Variants in IMMP2L observed in about 807,000 individuals in gnomAD.
IMMP2L encodes the protein mitochondrial inner membrane protease subunit 2.
Under a neutral mutation model 19.3 loss-of-function variants are expected in IMMP2L, and 18 were observed. The ratio of observed to expected loss-of-function variants is 0.93; its 90% CI spans 0.64 to 1.38. The LOEUF (loss-of-function observed/expected upper bound fraction) is 1.38, where lower values mean the gene tolerates loss of function less well. Ranked by LOEUF, IMMP2L falls within the 40% of genes most tolerant of loss-of-function variation. The pLI is 0.00. For synonymous variants in IMMP2L, 76 were observed against 73.0 expected (o/e 1.04, Z -0.21); for missense variants, 233 against 218.2 (o/e 1.07, Z -0.43).
At chr7:111,146,457 G>A (rs1803486731) in intron 3 of IMMP2L, among the ~76,000 whole-genome samples, 1 of 151,954 alleles carries the variant, frequency 6.6e-6, no homozygotes, top group Non-Finnish European at 1.5e-5. Flanking sequence ...TACAGAAATT[G>A]CCACTAGAAC....
chr7:110,932,173 C>T (rs963059177), intron 4 of IMMP2L, among the ~76,000 whole-genome samples: 14 of 152,114 alleles, frequency 9.2e-5, no homozygotes, highest in Non-Finnish European at 1.0e-4. Context: ...CATACAGACT[C>T]ACGAGAGTGG....
At chr7:110,886,306 A>T (rs988418716) in intron 5 of IMMP2L, among the ~76,000 whole-genome samples, 1 of 152,080 alleles carries the variant, frequency 6.6e-6, no homozygotes, top group Non-Finnish European at 1.5e-5. Flanking sequence ...AGAAAAAAAA[A>T]ATCTTCCAAT....
Position 110,677,225 on chromosome 7 carries a change from TG to T in IMMP2L, c.409-13505del, listed in dbSNP as rs142364883. ...TGTGGATGCCAGCGAAACAGATGCA[TG>T]GTTTAAGTAAATCAAACAGAATTAG... On this transcript the variant is annotated intron_variant, in intron 5 of 5. Coordinates refer to ENST00000405709, the MANE Select transcript of IMMP2L (RefSeq NM_032549.4). Among the ~76,000 whole-genome samples, 1,452 of 152,244 alleles carry T rather than the reference TG, an allele frequency of 9.5e-3. 27 individuals carry two copies. The highest frequency in any genetic ancestry group is 0.033 in the African/African-American group (1,354 of 41,554).
At chr7:110,873,558 G>C (rs1478131736) in intron 5 of IMMP2L, among the ~76,000 whole-genome samples, 1 of 149,950 alleles carries the variant, frequency 6.7e-6, no homozygotes, top group African/African-American at 2.4e-5. Context: ...GAGGTCAGGA[G>C]TTCGACACAA....
intron 3 of IMMP2L, among the ~76,000 whole-genome samples, chr7:111,307,246 T>C (rs1822983882): frequency 6.6e-6 from 1 of 151,754 alleles, no homozygotes; most frequent in Non-Finnish European, 1.5e-5. Context: ...TAAATGGCAC[T>C]TGAAATAAGA....
intron 3 of IMMP2L, among the ~76,000 whole-genome samples, chr7:111,345,998 T>C (rs933009513): frequency 6.6e-6 from 1 of 152,194 alleles, no homozygotes; most frequent in Non-Finnish European, 1.5e-5. Flanking sequence ...TAAATAGCTA[T>C]AGCTTATTCA....
chr7:111,238,454 A>C (rs1390984927), intron 3 of IMMP2L, among the ~76,000 whole-genome samples: 1 of 152,028 alleles, frequency 6.6e-6, no homozygotes, highest in African/African-American at 2.4e-5. Context: ...CTCACTCACT[A>C]ACTGTTAATA....
rs144174228 is a variant in IMMP2L at position 110,728,844 on chromosome 7, C to G, written c.409-65123G>C. ...TGATGAAAAACTAGGACTTAAGGTC[C>G]TTGTCCATGGTAATACAAATAGTAT... On this transcript the variant is annotated intron_variant, in intron 5 of 5. Transcript: ENST00000405709. This position sits in a 1 kb window ranked among gnomAD's most constrained non-coding sequence, Gnocchi z 4.6. Among the ~76,000 whole-genome samples the G allele has an allele frequency of 1.8e-4, 27 of 152,106 alleles. No individual in the cohort carries two copies. The highest frequency in any genetic ancestry group is 4.6e-4 in the African/African-American group (19 of 41,416).
At chr7:111,243,580 T>C (rs1448907835) in intron 3 of IMMP2L, among the ~76,000 whole-genome samples, 3 of 141,398 alleles carry the variant, frequency 2.1e-5, no homozygotes, top group Non-Finnish European at 4.6e-5. Context: ...GTTAGTTACA[T>C]ATGTATACAT....
intron 3 of IMMP2L, among the ~76,000 whole-genome samples, chr7:111,461,413 C>T (rs2132010374): frequency 6.6e-6 from 1 of 152,090 alleles, no homozygotes; most frequent in South Asian, 2.1e-4. Context: ...CATACACGCA[C>T]ACGCACAGGA....
intron 3 of IMMP2L, among the ~76,000 whole-genome samples, chr7:110,995,181 C>A (rs1013520911): frequency 2.0e-5 from 3 of 151,992 alleles, no homozygotes; most frequent in Non-Finnish European, 4.4e-5. Flanking sequence ...AATCCCAATG[C>A]AGACTGGCAT....
intron 5 of IMMP2L, among the ~76,000 whole-genome samples, chr7:110,816,822 G>C (rs1396651986): frequency 1.3e-5 from 2 of 151,900 alleles, no homozygotes; most frequent in African/African-American, 2.4e-5. Context: ...TTGCTTGGTA[G>C]ATCTTCCTCC....
intron 3 of IMMP2L, among the ~76,000 whole-genome samples, chr7:111,233,299 A>C (rs1163169990): frequency 1.3e-5 from 2 of 152,124 alleles, no homozygotes; most frequent in African/African-American, 4.8e-5. Context: ...CTTTTTGTAT[A>C]TAAATAAATG....
chr7:110,793,450 A>G (rs966646479), intron 5 of IMMP2L, among the ~76,000 whole-genome samples: 5 of 150,882 alleles, frequency 3.3e-5, no homozygotes, highest in African/African-American at 1.2e-4. Flanking sequence ...CAAACAAACA[A>G]AACAACTTAA....
chr7:111,521,349 G>A lies in IMMP2L; in HGVS notation c.99C>T (p.Val33=), dbSNP rs370301989. 42 of 1,613,022 alleles carry A rather than the reference G, an allele frequency of 2.6e-5. No homozygotes were observed. In the African/African-American group the frequency reaches 3.5e-4, roughly 13 times the overall value. ...VPVAVTFLDR[V]ACVARVEGAS... ...CTCCTTCTACTCTTGCCACACAGGC[G>A]ACCCGATCCAAGAAAGTCACTGCCA... is the stretch of plus-strand genomic sequence containing the variant. Residue 33 remains valine, a synonymous_variant, in exon 2 of 6, where the codon GTC becomes GTT. Coordinates refer to ENST00000405709, the MANE Select transcript of IMMP2L (RefSeq NM_032549.4).
intron 3 of IMMP2L, among the ~76,000 whole-genome samples, chr7:111,444,183 C>T (rs565262241): frequency 6.6e-6 from 1 of 152,018 alleles, no homozygotes; most frequent in South Asian, 2.1e-4. Context: ...TTACATTGTC[C>T]TTTTTCTGAG....
chr7:111,291,226 A>T (rs1821070551), intron 3 of IMMP2L, among the ~76,000 whole-genome samples: 1 of 152,288 alleles, frequency 6.6e-6, no homozygotes, highest in East Asian at 1.9e-4. Flanking sequence ...TGAGGGAAAA[A>T]AAAAGTTCAA....
At chr7:110,773,924 G>A (rs1413996272) in intron 5 of IMMP2L, among the ~76,000 whole-genome samples, 2 of 143,074 alleles carry the variant, frequency 1.4e-5, no homozygotes, top group Admixed American at 1.4e-4. Flanking sequence ...AAAAAAAAAT[G>A]TTTATAAGTA....
intron 5 of IMMP2L, among the ~76,000 whole-genome samples, chr7:110,791,401 T>C (rs571485322): frequency 6.6e-6 from 1 of 151,720 alleles, no homozygotes; most frequent in Non-Finnish European, 1.5e-5. Flanking sequence ...CTTTAAAATA[T>C]TTTGCCAGGG....
Sources: allele counts gnomAD v4.1 joint callset (sites outside exome capture counted in the v4.1 genomes callset), GRCh38; gene constraint gnomAD v4.1.1; non-coding constraint Gnocchi (gnomAD v3.1); transcripts MANE v1.5; gene names NCBI Gene and HGNC (gene_info 2026-07-23, HGNC 2026-07-21).